The following CCT6B variants were observed in gnomAD, a reference collection of about 807,000 sequenced individuals.
CCT6B encodes probable T-complex protein 1 subunit zeta-2.
Under a neutral mutation model 61.5 loss-of-function variants are expected in CCT6B, and 49 were observed. The ratio of observed to expected loss-of-function variants is 0.80; its 90% CI spans 0.63 to 1.01. The LOEUF is 1.01. Among genes scored for constraint, CCT6B ranks in the 50% least tolerant of loss-of-function variants. The probability of loss-of-function intolerance (pLI) is 0.00; values close to 1 mark genes in which losing one functional copy is unlikely to be tolerated. For synonymous variants in CCT6B, 228 were observed against 214.5 expected (o/e 1.06, Z -0.55); for missense variants, 666 against 634.7 (o/e 1.05, Z -0.53).
At chr17:34,952,899 T>C (rs1267860367) in intron 4 of CCT6B, among the ~76,000 whole-genome samples, 2 of 152,206 alleles carry the variant, frequency 1.3e-5, no homozygotes, top group African/African-American at 2.4e-5. Flanking sequence ...TCACTGTTTC[T>C]GTAACTCTAA....
rs2090296753 is a variant in CCT6B at position 34,951,969 on chromosome 17, T to C, written c.595A>G (p.Lys199Glu). ...FMVEIMEMKH[K>E]LGTDTKLIQG... ...ATTTACTTTGTATCTGTTCCTAATTTATGCTTCATCTCCATTATTTCTACC... is the reference window on the plus strand; with the variant it reads ...ATTTACTTTGTATCTGTTCCTAATTCATGCTTCATCTCCATTATTTCTACC... The change falls in exon 5 of 14, where the codon AAA (lysine) becomes GAA (glutamate). Residue 199 changes from lysine to glutamate, a missense_variant. By Grantham distance (56) the Lys-to-Glu change is moderately conservative (BLOSUM62 1). Coordinates refer to ENST00000314144, the MANE Select transcript of CCT6B (RefSeq NM_006584.4). 1 of 1,589,490 alleles carries C rather than the reference T, an allele frequency of 6.3e-7. No homozygotes were observed. The highest frequency in any genetic ancestry group is 1.3e-5 in the African/African-American group (1 of 74,400).
Position 34,942,791 on chromosome 17 carries a change from C to T in CCT6B, c.725+5G>A, listed in dbSNP as rs368849432. ...CAAAAGTTATAAAGAGAAAGTAACA[C>T]GCACGTTTTTTCATATTCCAGTGAA... On this transcript the variant is annotated splice_donor_5th_base_variant and intron_variant, in intron 6 of 13. Coordinates refer to ENST00000314144, the MANE Select transcript of CCT6B (RefSeq NM_006584.4). 2.1e-5 allele frequency: 33 copies of T among 1,572,070 alleles called. No individual in the cohort carries two copies. Among genetic ancestry groups the T allele is most frequent in the Middle Eastern group, 3.4e-4 (2 of 5,970 alleles).
chr17:34,961,055 C>T (rs779743916), intron 1 of CCT6B, among the ~76,000 whole-genome samples: 3 of 152,214 alleles, frequency 2.0e-5, no homozygotes, highest in Non-Finnish European at 4.4e-5. Context: ...AGCGCCACAG[C>T]TTCACTCCCG....
At chr17:34,948,594 A>G (rs1258397005) in intron 5 of CCT6B, among the ~76,000 whole-genome samples, 1 of 152,022 alleles carries the variant, frequency 6.6e-6, no homozygotes, top group Non-Finnish European at 1.5e-5. Context: ...CATGCCCGCA[A>G]TACCAGCTAC....
chr17:34,959,452 T>C (rs1042166604), intron 2 of CCT6B, 135 bp downstream of exon 2: 2 of 624,506 alleles, frequency 3.2e-6, no homozygotes, highest in Admixed American at 5.7e-5. Context: ...TTTATTGAGG[T>C]CTAATTCAAC....
intron 3 of CCT6B, among the ~76,000 whole-genome samples, chr17:34,954,993 CAAT>C (rs1178822239): frequency 1.3e-5 from 2 of 152,164 alleles, no homozygotes; most frequent in African/African-American, 4.8e-5. Flanking sequence ...GTTAACATCA[CAAT>C]AATGAGACAG....
intron 3 of CCT6B, among the ~76,000 whole-genome samples, chr17:34,955,282 A>G (rs1196565446): frequency 6.6e-6 from 1 of 152,340 alleles, no homozygotes; most frequent in East Asian, 1.9e-4. Context: ...CACTATTAAT[A>G]TAAGTGGTGA....
Position 34,929,566 on chromosome 17 carries a change from T to A in CCT6B, c.1451-532A>T, listed in dbSNP as rs541415055. 3.1e-4 allele frequency among the ~76,000 whole-genome samples: 46 copies of A among 150,230 alleles called. No individual in the cohort carries two copies. In the South Asian group the frequency reaches 9.2e-3, roughly 30 times the overall value. On this transcript the variant is annotated intron_variant, in intron 12 of 13. Coordinates refer to ENST00000314144, the MANE Select transcript of CCT6B (RefSeq NM_006584.4). ...TCTTGCTCTGTCACTCAGGCTGGAG[T>A]GCAGTGGTGCCATCTCGGCTCCCTG...
rs370042710 is a variant in CCT6B, at chr17:34,958,698, G to A, written c.202-4C>T. 37 of 1,588,774 alleles carry A rather than the reference G, an allele frequency of 2.3e-5. No individual in the cohort carries two copies. In the African/African-American group the frequency reaches 4.5e-4, roughly 19 times the overall value. On this transcript the variant is annotated splice_polypyrimidine_tract_variant and splice_region_variant and intron_variant, in intron 2 of 13. Coordinates refer to ENST00000314144, the MANE Select transcript of CCT6B (RefSeq NM_006584.4). ...AAGCTGTTGGATGTTGAATTTGCTG[G>A]AAAAAGCAAGCAACAGATTTAAAAA...
intron 3 of CCT6B, among the ~76,000 whole-genome samples, chr17:34,955,566 T>C (rs2090339118): frequency 6.6e-6 from 1 of 152,212 alleles, no homozygotes; most frequent in African/African-American, 2.4e-5. Context: ...TGTAGTATGT[T>C]TGCAACTTTT....
At chr17:34,932,306 A>G (rs552383850) in intron 11 of CCT6B, 61 bp downstream of exon 11, 3 of 1,481,910 alleles carry the variant, frequency 2.0e-6, no homozygotes, top group African/African-American at 1.4e-5. Context: ...AATATGGGCA[A>G]TTTGTAATTA....
chr17:34,948,778 A>C (rs2090255109), intron 5 of CCT6B, among the ~76,000 whole-genome samples: 1 of 151,694 alleles, frequency 6.6e-6, no homozygotes, highest in African/African-American at 2.4e-5. Context: ...TCTGTTCTGT[A>C]ATCACAGCAC....
At chr17:34,941,626 T>G (rs1274911622) in intron 7 of CCT6B, among the ~76,000 whole-genome samples, 2 of 152,212 alleles carry the variant, frequency 1.3e-5, no homozygotes, top group African/African-American at 4.8e-5. Flanking sequence ...AATACCCATA[T>G]CTAGATAACC....
At position 34,939,176 on chromosome 17, in the gene CCT6B, A is replaced by G; in HGVS notation, c.1213+7T>C. ...GAGGTTCATATCAATCACAAGAAAG[A>G]GCTTACCATCTTCAATGGCATTTTT... On this transcript the variant is annotated splice_region_variant and intron_variant, in intron 10 of 13. Coordinates refer to ENST00000314144, the MANE Select transcript of CCT6B (RefSeq NM_006584.4). 1 of 1,612,538 alleles carries G rather than the reference A, an allele frequency of 6.2e-7. No individual in the cohort carries two copies. Among genetic ancestry groups the G allele is most frequent in the Non-Finnish European group, 8.5e-7 (1 of 1,178,836 alleles).
intron 5 of CCT6B, among the ~76,000 whole-genome samples, chr17:34,945,174 T>C (rs1422708221): frequency 2.0e-5 from 3 of 152,220 alleles, no homozygotes; most frequent in Non-Finnish European, 4.4e-5. Context: ...CTAGGGATCA[T>C]GCTTTAAACT....
At chr17:34,959,772 G>A (rs1229020321) in intron 1 of CCT6B, 122 bp from the exon 2 acceptor site, 2 of 630,282 alleles carry the variant, frequency 3.2e-6, no homozygotes, top group East Asian at 5.7e-5. Flanking sequence ...ATGGGAATAT[G>A]CCATGGTAAT....
intron 5 of CCT6B, among the ~76,000 whole-genome samples, chr17:34,949,287 C>T (rs1233420035): frequency 6.6e-6 from 1 of 151,524 alleles, no homozygotes; most frequent in Non-Finnish European, 1.5e-5. Context: ...GAAACCCCAT[C>T]TCTACTAAAA....
At chr17:34,955,996 AGACT>A (rs1327288940) in intron 3 of CCT6B, among the ~76,000 whole-genome samples, 1 of 152,186 alleles carries the variant, frequency 6.6e-6, no homozygotes, top group Non-Finnish European at 1.5e-5. Context: ...TCTCTCATCC[AGACT>A]ATCATGAAAA....
intron 10 of CCT6B, among the ~76,000 whole-genome samples, chr17:34,933,865 G>C (rs902105388): frequency 6.6e-6 from 1 of 151,968 alleles, no homozygotes; most frequent in East Asian, 1.9e-4. Flanking sequence ...CTGGTGGCTC[G>C]CTCCTATAAT....
Sources: gnomAD v4.1 joint callset for allele counts (sites outside exome capture counted in the v4.1 genomes callset) on GRCh38, gnomAD v4.1.1 for gene constraint, MANE v1.5 for transcripts, NCBI Gene and HGNC (gene_info 2026-07-23, HGNC 2026-07-21) for gene names.